PLCD1: variants seen among roughly 807,000 people sequenced by gnomAD.
The protein encoded by PLCD1 is 1-phosphatidylinositol 4,5-bisphosphate phosphodiesterase delta-1.
Under a neutral mutation model 87.4 loss-of-function variants are expected in PLCD1, and 71 were observed. The ratio of observed to expected loss-of-function variants is 0.81; its 90% confidence interval spans 0.67 to 0.99. PLCD1 has a LOEUF of 0.99. Among genes scored for constraint, PLCD1 ranks in the 50% least tolerant of loss-of-function variants. The pLI is 0.00. For synonymous variants in PLCD1, 348 were observed against 399.2 expected (o/e 0.87, Z 1.53); for missense variants, 867 against 1,001.5 (o/e 0.87, Z 1.81).
rs771527177 is a variant in PLCD1 at position 38,011,648 on chromosome 3, C to A, written c.454G>T (p.Ala152Ser). 1 of 1,614,224 alleles carries A rather than the reference C, an allele frequency of 6.2e-7. No individual in the cohort carries two copies. Among genetic ancestry groups the A allele is most frequent in the Non-Finnish European group, 8.5e-7 (1 of 1,180,036 alleles). The change falls in exon 4 of 15, where the codon GCT (alanine) becomes TCT (serine). Residue 152 changes from alanine to serine, a missense_variant. Physicochemically the swap from Ala to Ser is moderately conservative, Grantham distance 99. Coordinates refer to ENST00000334661, the MANE Select transcript of PLCD1 (RefSeq NM_006225.4). ...QHWIHSCLRK[A>S]DKNKDNKMSF... The stretch of plus-strand genomic sequence containing the variant: ...ATCTTGTTGTCCTTGTTTTTGTCAG[C>A]TTTTCGCAAGCAGGAGTGAATCCAG...
At chr3:38,027,110 G>T (rs949368958) in intron 1 of PLCD1, among the ~76,000 whole-genome samples, 2 of 152,210 alleles carry the variant, frequency 1.3e-5, no homozygotes, top group Non-Finnish European at 2.9e-5. Context: ...AGTGGAAGAA[G>T]TAAGGTGAAG....
At chr3:38,021,466 A>T (rs192875633) in intron 1 of PLCD1, among the ~76,000 whole-genome samples, 2 of 152,232 alleles carry the variant, frequency 1.3e-5, no homozygotes, top group Admixed American at 1.3e-4. Flanking sequence ...CCTCAGTCCT[A>T]CCAGGCCCAG....
Position 38,009,925 on chromosome 3 carries a change from G to A in PLCD1, c.1266C>T (p.Thr422=). ...ACACCTCAGGGGAGGGCAGGCTGTT[G>A]GTGACCCCATCCAGTGGTCGGTTCA... is the stretch of plus-strand genomic sequence containing the variant. The part of the protein sequence containing the change: ...MLLNRPLDGV[T]NSLPSPEQLK... The change falls in exon 8 of 15, where the codon ACC becomes ACT. Residue 422 remains threonine (T), a synonymous_variant. Transcript: ENST00000334661. 6.2e-7 allele frequency: 1 copy of A among 1,610,938 alleles called. No individual in the cohort carries two copies. Among genetic ancestry groups the A allele is most frequent in the Middle Eastern group, 1.7e-4 (1 of 6,048 alleles).
intron 1 of PLCD1, among the ~76,000 whole-genome samples, chr3:38,020,572 T>G (rs368528966): frequency 3.9e-5 from 6 of 152,232 alleles, no homozygotes; most frequent in Middle Eastern, 3.4e-3. Context: ...AAGGTGACCA[T>G]GCAAACGGGA....
chr3:38,027,686 C>T (rs1174606004), intron 1 of PLCD1, among the ~76,000 whole-genome samples: 1 of 152,244 alleles, frequency 6.6e-6, no homozygotes, highest in Non-Finnish European at 1.5e-5. Flanking sequence ...GCAGCACATC[C>T]AGTGCTGGGG....
At chr3:38,011,739 G>T in intron 3 of PLCD1, 66 bp from the exon 4 acceptor site, 1 of 1,550,506 alleles carries the variant, frequency 6.4e-7, no homozygotes, top group Non-Finnish European at 8.9e-7. Flanking sequence ...CCAGAGCCAT[G>T]GATGGCTCCA....
chr3:38,018,838 C>T lies in PLCD1; in HGVS notation c.199+1350G>A, dbSNP rs114780363. ...GTGGCAGCAGGCTGAGCTGGGGCTC[C>T]GTGTGGTTTCCTCAGAATGTTCTGG... On this transcript the variant is annotated intron_variant, in intron 2 of 14. Coordinates refer to ENST00000334661, the MANE Select transcript of PLCD1 (RefSeq NM_006225.4). This position sits in a 1 kb window ranked among gnomAD's most constrained non-coding sequence, Gnocchi z 5.7. 13 of 152,304 alleles carry T rather than the reference C, an allele frequency of 8.5e-5. No homozygotes were observed. Among genetic ancestry groups the T allele is most frequent in the East Asian group, 1.9e-4 (1 of 5,170 alleles). The allele number at this position is 152,304 out of a possible 1,614,324, so 9.4% of individuals were successfully genotyped here.
In PLCD1 at chr3:38,009,032, C is replaced by G; in HGVS notation, c.1723+10G>C. ...CCTCCAGGCCTCCTCCAGCCCCAGCCAGCCCATACCGATCTGGCAGCCCCC... is the reference window on the plus strand; with the variant it reads ...CCTCCAGGCCTCCTCCAGCCCCAGCGAGCCCATACCGATCTGGCAGCCCCC... On this transcript the variant is annotated intron_variant, in intron 11 of 14. Transcript: ENST00000334661. The G allele has an allele frequency of 1.2e-6, 2 of 1,605,376 alleles. No homozygotes were observed. The highest frequency in any genetic ancestry group is 1.7e-6 in the Non-Finnish European group (2 of 1,173,330).
At chr3:38,010,638 A>G in intron 5 of PLCD1, 76 bp from the exon 6 acceptor site, 1 of 1,269,940 alleles carries the variant, frequency 7.9e-7, no homozygotes, top group Non-Finnish European at 1.1e-6. Context: ...ATCTGGACAG[A>G]GGAGCCCTCT....
At position 38,024,659 on chromosome 3, in the gene PLCD1, C is replaced by A. The variant is rs965095305; in HGVS notation, c.35-4307G>T. 3 of 1,515,838 alleles carry A rather than the reference C, an allele frequency of 2.0e-6. No individual in the cohort carries two copies. In the Admixed American group the frequency reaches 6.0e-5, roughly 30 times the overall value. The allele number at this position is 1,515,838 out of a possible 1,614,324, so 93.9% of individuals were successfully genotyped here. On this transcript the variant is annotated intron_variant, in intron 1 of 14. Coordinates refer to ENST00000334661, the MANE Select transcript of PLCD1 (RefSeq NM_006225.4). ...GGGAAATCTGGGCTGAGGGGGTAGTCAGACGCTAGGAGGCGGAGCTAGTCC... is the reference window on the plus strand; with the variant it reads ...GGGAAATCTGGGCTGAGGGGGTAGTAAGACGCTAGGAGGCGGAGCTAGTCC...
Position 38,024,642 on chromosome 3 carries a change from T to C in PLCD1, c.35-4290A>G, listed in dbSNP as rs368793633. The C allele has an allele frequency of 8.4e-5, 128 of 1,518,842 alleles. 1 individual carries two copies. In the South Asian group the frequency reaches 1.5e-3, roughly 17 times the overall value. The allele number at this position is 1,518,842 out of a possible 1,614,324, so 94.1% of individuals were successfully genotyped here. On this transcript the variant is annotated intron_variant, in intron 1 of 14. Transcript: ENST00000334661. ...GGAGGGGCGGGACGAGAGGGAAATC[T>C]GGGCTGAGGGGGTAGTCAGACGCTA...
At chr3:38,016,857 C>A (rs568261156) in intron 2 of PLCD1, 138 bp from the exon 3 acceptor site, 4 of 720,236 alleles carry the variant, frequency 5.6e-6, no homozygotes, top group African/African-American at 5.2e-5. Flanking sequence ...GGCCTTGAGT[C>A]CAGAAGGAAA....
rs79621485 is a variant in PLCD1, at chr3:38,009,260, G to T, written c.1606+12C>A. 6.2e-7 allele frequency: 1 copy of T among 1,614,024 alleles called. No individual in the cohort carries two copies. The highest frequency in any genetic ancestry group is 8.5e-7 in the Non-Finnish European group (1 of 1,179,904). ...TAACAGAGCAGGGGAGTGGTGGGGA[G>T]CCAGGCCTCACCTGATTCTTGGAGC... On this transcript the variant is annotated intron_variant, in intron 10 of 14. Transcript: ENST00000334661.
chr3:38,022,219 C>T (rs1274267217), intron 1 of PLCD1, among the ~76,000 whole-genome samples: 1 of 152,208 alleles, frequency 6.6e-6, no homozygotes, highest in African/African-American at 2.4e-5. Flanking sequence ...GTGAGCAGCT[C>T]CCTCTTAGCC....
At chr3:38,014,272 G>GAAA (rs72497444) in intron 3 of PLCD1, among the ~76,000 whole-genome samples, 3 of 145,656 alleles carry the variant, frequency 2.1e-5, no homozygotes, top group Non-Finnish European at 3.0e-5. Flanking sequence ...AAGCAATATT[G>GAAA]AAAAAAAAAA....
chr3:38,011,161 C>A, intron 5 of PLCD1, 53 bp downstream of exon 5: 2 of 1,433,600 alleles, frequency 1.4e-6, no homozygotes, highest in Middle Eastern at 2.4e-4. Context: ...AGGGGTCTCC[C>A]AGCCCAGTGC....
Position 38,017,865 on chromosome 3 carries a change from G to C in PLCD1, c.200-1146C>G, listed in dbSNP as rs150219822. On this transcript the variant is annotated intron_variant, in intron 2 of 14. Transcript: ENST00000334661. The surrounding 1 kb of genome is among the most constrained non-coding windows in gnomAD (Gnocchi z 4.7). ...GGACACATGAGCCCAGGGCCATGTG[G>C]GGGACAGAGGATAGCACGGCTTAAT... Among the ~76,000 whole-genome samples, 24 of 152,302 alleles carry C rather than the reference G, an allele frequency of 1.6e-4. No homozygotes were observed. In the East Asian group the frequency reaches 4.6e-3, roughly 29 times the overall value.
chr3:38,020,565 G>A (rs1665650155), intron 1 of PLCD1, among the ~76,000 whole-genome samples: 1 of 152,106 alleles, frequency 6.6e-6, no homozygotes, highest in African/African-American at 2.4e-5. Context: ...GCCAGCTAAG[G>A]TGACCATGCA....
Position 38,011,229 on chromosome 3 carries a change from C to T in PLCD1, c.775G>A (p.Glu259Lys), listed in dbSNP as rs776577454. The change falls in exon 5 of 15, where the codon GAG becomes AAG. Residue 259 changes from glutamate (E) to lysine (K), a missense_variant. Transcript: ENST00000334661. ...AGGCTCTCACCAGTCTCGCTGGGCT[C>T]GTAGCGCTCAATGAGGGAGAGGGCC... ...ALALSLIERY[E>K]PSETAKAQRQ... 1.2e-5 allele frequency: 19 copies of T among 1,609,394 alleles called. No homozygotes were observed. The highest frequency in any genetic ancestry group is 5.3e-5 in the African/African-American group (4 of 74,874).
Sources: allele counts gnomAD v4.1 joint callset (sites outside exome capture counted in the v4.1 genomes callset), GRCh38; gene constraint gnomAD v4.1.1; non-coding constraint Gnocchi (gnomAD v3.1); transcripts MANE v1.5; gene names NCBI Gene and HGNC (gene_info 2026-07-23, HGNC 2026-07-21).